The following B4GALT5 variants were observed in gnomAD, a reference collection of about 807,000 sequenced individuals.
B4GALT5 encodes beta-1,4-galactosyltransferase 5, also known as UDP-Gal:beta-GlcNAc beta-1,4-galactosyltransferase 5.
B4GALT5 carries 11 observed loss-of-function variants against 45.0 expected under a neutral mutation model. The ratio of observed to expected loss-of-function variants is 0.24; its 90% CI spans 0.15 to 0.40. The LOEUF (loss-of-function observed/expected upper bound fraction) is 0.40, where lower values mean the gene tolerates loss of function less well. Ranked by LOEUF, B4GALT5 falls within the 10% of genes least tolerant of loss-of-function variation. The probability of loss-of-function intolerance (pLI) is 1.00; values close to 1 mark genes in which losing one functional copy is unlikely to be tolerated. For missense variants in B4GALT5, 337 were observed against 500.2 expected (o/e 0.67, Z 3.11); for synonymous variants, 185 against 182.9 (o/e 1.01, Z -0.09).
intron 2 of B4GALT5, among the ~76,000 whole-genome samples, chr20:49,653,375 A>T (rs1047521122): frequency 3.9e-5 from 6 of 152,254 alleles, no homozygotes; most frequent in African/African-American, 1.4e-4. Context: ...TGACCTCCTT[A>T]GAAACATGCT....
chr20:49,671,615 T>C (rs1196882772), intron 1 of B4GALT5, among the ~76,000 whole-genome samples: 1 of 152,172 alleles, frequency 6.6e-6, no homozygotes, highest in Non-Finnish European at 1.5e-5. Context: ...GAATTACAGG[T>C]CATCTGGGTT....
intron 1 of B4GALT5, among the ~76,000 whole-genome samples, chr20:49,700,267 T>TACA (rs202192878): frequency 1.9e-4 from 29 of 152,296 alleles, no homozygotes; most frequent in Admixed American, 2.0e-4. Context: ...CAATTTGGTT[T>TACA]ACAACAACAA....
chr20:49,669,774 G>A (rs2085708150), intron 1 of B4GALT5, among the ~76,000 whole-genome samples: 1 of 151,764 alleles, frequency 6.6e-6, no homozygotes, highest in African/African-American at 2.4e-5. Context: ...CTTTTTTAAG[G>A]TAGAAGTATA....
intron 3 of B4GALT5, among the ~76,000 whole-genome samples, chr20:49,645,400 A>T (rs1204892079): frequency 6.6e-6 from 1 of 152,204 alleles, no homozygotes; most frequent in East Asian, 1.9e-4. Context: ...GTGTTACTCA[A>T]GTGTTTCTGG....
intron 1 of B4GALT5, among the ~76,000 whole-genome samples, chr20:49,707,146 ACTTT>A (rs1264737199): frequency 6.6e-6 from 1 of 152,066 alleles, no homozygotes; most frequent in African/African-American, 2.4e-5. Context: ...AAAACCAACC[ACTTT>A]CTTTCTACTA....
chr20:49,637,459 G>C lies in B4GALT5; in HGVS notation c.918-17C>G, dbSNP rs16994756. The C allele has an allele frequency of 6.3e-6, 10 of 1,598,150 alleles. No individual in the cohort carries two copies. Among genetic ancestry groups the C allele is most frequent in the Middle Eastern group, 3.3e-4 (2 of 6,056 alleles). Reference sequence around the variant, plus strand: ...TTCTGTACTCTGTCCAAGACCAAGAGAACAGGCTTTTAGATACAACGGTAA... The same window carrying C: ...TTCTGTACTCTGTCCAAGACCAAGACAACAGGCTTTTAGATACAACGGTAA... On this transcript the variant is annotated splice_polypyrimidine_tract_variant and intron_variant, in intron 7 of 8. Transcript: ENST00000371711.
intron 1 of B4GALT5, among the ~76,000 whole-genome samples, chr20:49,689,916 C>T (rs2038216): frequency 0.78 from 118,286 of 151,882 alleles, 46,189 homozygotes; most frequent in Middle Eastern, 0.87. Flanking sequence ...GGTCTCGCTA[C>T]GTTGCCCAGG....
chr20:49,695,708 T>C (rs2085837030), intron 1 of B4GALT5, among the ~76,000 whole-genome samples: 1 of 152,174 alleles, frequency 6.6e-6, no homozygotes, highest in Non-Finnish European at 1.5e-5. Context: ...GCCAGTGTGG[T>C]CACTGTTAGA....
intron 1 of B4GALT5, among the ~76,000 whole-genome samples, chr20:49,685,880 C>T (rs1370572146): frequency 6.7e-6 from 1 of 150,016 alleles, no homozygotes; most frequent in African/African-American, 2.5e-5. Context: ...TGAATTGAAG[C>T]TTTAGAGTAT....
intron 1 of B4GALT5, among the ~76,000 whole-genome samples, chr20:49,690,367 C>A (rs997106048): frequency 6.6e-6 from 1 of 151,930 alleles, no homozygotes; most frequent in African/African-American, 2.4e-5. Context: ...TGTGAAGAGA[C>A]AGTCTTAGAA....
intron 5 of B4GALT5, among the ~76,000 whole-genome samples, chr20:49,641,404 C>A (rs2085576658): frequency 6.6e-6 from 1 of 152,122 alleles, no homozygotes; most frequent in Non-Finnish European, 1.5e-5. Flanking sequence ...TAAGATCTAA[C>A]TAAGACAACA....
In B4GALT5 at chr20:49,634,191, A is replaced by C; in HGVS notation, c.*2121T>G. On this transcript the variant is annotated 3_prime_UTR_variant, in exon 9 of 9. Coordinates refer to ENST00000371711, the MANE Select transcript of B4GALT5 (RefSeq NM_004776.4). Reference sequence around the variant, plus strand: ...CACTCTATTCTTCAAAAGAACAAAAACACAAACAAACAAACAAACAAAACA... The same window carrying C: ...CACTCTATTCTTCAAAAGAACAAAACCACAAACAAACAAACAAACAAAACA... The C allele has an allele frequency of 6.6e-6, 1 of 152,570 alleles. No homozygotes were observed. The highest frequency in any genetic ancestry group is 1.5e-5 in the Non-Finnish European group (1 of 68,042). The allele number at this position is 152,570 out of a possible 1,614,324, so 9.5% of individuals were successfully genotyped here.
chr20:49,633,176 A>G lies in B4GALT5; in HGVS notation c.*3136T>C, dbSNP rs1371226626. On this transcript the variant is annotated 3_prime_UTR_variant, in exon 9 of 9. Coordinates refer to ENST00000371711, the MANE Select transcript of B4GALT5 (RefSeq NM_004776.4). ...AAATAAGCTAGCTACGCTCAATGCC[A>G]TCGTCAATGGTGAGTGGATACAATC... 1 of 152,682 alleles carries G rather than the reference A, an allele frequency of 6.5e-6. No homozygotes were observed. Among genetic ancestry groups the G allele is most frequent in the Non-Finnish European group, 1.5e-5 (1 of 68,044 alleles). The allele number at this position is 152,682 out of a possible 1,614,324, so 9.5% of individuals were successfully genotyped here. A position where few individuals can be genotyped will look rare whatever the true frequency, so the allele number is the denominator to read the frequency against.
At chr20:49,650,613 G>C (rs930683304) in intron 2 of B4GALT5, among the ~76,000 whole-genome samples, 2 of 152,042 alleles carry the variant, frequency 1.3e-5, no homozygotes, top group Non-Finnish European at 2.9e-5. Context: ...CTCCAGCCTG[G>C]GCAACAACAG....
At chr20:49,644,255 A>G (rs2085589798) in intron 3 of B4GALT5, among the ~76,000 whole-genome samples, 1 of 151,330 alleles carries the variant, frequency 6.6e-6, no homozygotes, top group Non-Finnish European at 1.5e-5. Flanking sequence ...GTTTATTAAT[A>G]TGTTTTAATA....
chr20:49,707,800 G>C (rs1477147308), intron 1 of B4GALT5, among the ~76,000 whole-genome samples: 5 of 151,878 alleles, frequency 3.3e-5, no homozygotes, highest in African/African-American at 1.2e-4. Context: ...TTTTAGTAGA[G>C]ACGAGGTTTC....
chr20:49,707,924 T>C (rs2085891497), intron 1 of B4GALT5, among the ~76,000 whole-genome samples: 1 of 151,736 alleles, frequency 6.6e-6, no homozygotes, highest in East Asian at 1.9e-4. Flanking sequence ...TTTTTTTTTT[T>C]TTTTTGTCTA....
intron 2 of B4GALT5, among the ~76,000 whole-genome samples, chr20:49,654,951 C>CA (rs1241976208): frequency 6.6e-6 from 1 of 151,822 alleles, no homozygotes; most frequent in South Asian, 2.1e-4. Flanking sequence ...ACAAAAAATA[C>CA]AAAAATTAGC....
chr20:49,666,846 T>C (rs963299444), intron 1 of B4GALT5, among the ~76,000 whole-genome samples: 1 of 152,210 alleles, frequency 6.6e-6, no homozygotes, highest in African/African-American at 2.4e-5. Context: ...AACAAGCAGA[T>C]GATCAGTGTT....
Sources: allele counts gnomAD v4.1 joint callset (sites outside exome capture counted in the v4.1 genomes callset), GRCh38; gene constraint gnomAD v4.1.1; transcripts MANE v1.5; gene names NCBI Gene and HGNC (gene_info 2026-07-23, HGNC 2026-07-21).